CRTAM: variants seen among roughly 807,000 people sequenced by gnomAD.
CRTAM encodes cytotoxic and regulatory T cell molecule.
A neutral mutation model predicts 50.0 loss-of-function variants in CRTAM; 44 were observed. The observed-to-expected ratio is 0.88, with a 90% confidence interval of 0.69 to 1.13. CRTAM has a LOEUF of 1.13. Ranked by LOEUF, CRTAM falls within the 50% of genes most tolerant of loss-of-function variation. The probability of loss-of-function intolerance (pLI) is 0.00; values close to 1 mark genes in which losing one functional copy is unlikely to be tolerated. For synonymous variants in CRTAM, 159 were observed against 169.3 expected (o/e 0.94, Z 0.47); for missense variants, 448 against 457.5 (o/e 0.98, Z 0.19).
intron 5 of CRTAM, 139 bp from the exon 6 acceptor site, chr11:122,862,325 G>A: frequency 4.7e-6 from 3 of 641,290 alleles, no homozygotes; most frequent in Non-Finnish European, 5.6e-6. Flanking sequence ...AGGAGCCACA[G>A]AACACACAGT....
intron 7 of CRTAM, 89 bp from the exon 8 acceptor site, chr11:122,867,320 C>T: frequency 8.6e-7 from 1 of 1,165,122 alleles, no homozygotes; most frequent in Non-Finnish European, 1.2e-6. Flanking sequence ...GCTTATATCA[C>T]ATTGTAGAAG....
intron 8 of CRTAM, 80 bp from the exon 9 acceptor site, chr11:122,867,933 G>C (rs1862200391): frequency 2.4e-6 from 2 of 826,472 alleles, no homozygotes; most frequent in Admixed American, 4.0e-5. Flanking sequence ...CACAGTAACA[G>C]AGGTATTATC....
chr11:122,851,938 G>C, intron 3 of CRTAM, 93 bp downstream of exon 3: 1 of 1,213,794 alleles, frequency 8.2e-7, no homozygotes, highest in Non-Finnish European at 1.2e-6. Flanking sequence ...TAAAAATGTT[G>C]CCTAGAGCAA....
chr11:122,859,040 TA>T (rs1055244735), intron 5 of CRTAM, among the ~76,000 whole-genome samples: 3 of 152,130 alleles, frequency 2.0e-5, no homozygotes, highest in Non-Finnish European at 4.4e-5. Flanking sequence ...ACTGAGAAAT[TA>T]AAAAAATATG....
At chr11:122,858,059 T>C (rs1192769067) in intron 5 of CRTAM, among the ~76,000 whole-genome samples, 2 of 151,930 alleles carry the variant, frequency 1.3e-5, no homozygotes, top group South Asian at 2.1e-4. Flanking sequence ...ACTACAGGCA[T>C]GCACCACTAC....
chr11:122,841,394 C>T (rs915661259), intron 1 of CRTAM, among the ~76,000 whole-genome samples: 1 of 137,360 alleles, frequency 7.3e-6, no homozygotes, highest in East Asian at 2.0e-4. Flanking sequence ...TAAATATATA[C>T]TTTTACTCTA....
intron 9 of CRTAM, 109 bp downstream of exon 9, chr11:122,868,208 G>A (rs1862206599): frequency 3.3e-6 from 2 of 601,422 alleles, no homozygotes; most frequent in Non-Finnish European, 5.9e-6. Flanking sequence ...GTGTGTGTGT[G>A]TGTGTGTGTG....
At chr11:122,840,039 T>C (rs1364349535) in intron 1 of CRTAM, among the ~76,000 whole-genome samples, 1 of 152,216 alleles carries the variant, frequency 6.6e-6, no homozygotes, top group East Asian at 1.9e-4. Context: ...AAAATTAGGA[T>C]GATTTCAATT....
chr11:122,863,328 A>C (rs1375135932), intron 6 of CRTAM, among the ~76,000 whole-genome samples: 5 of 81,628 alleles, frequency 6.1e-5, no homozygotes, highest in African/African-American at 1.7e-4. Flanking sequence ...AGAAAAAGAA[A>C]GAAAGAAAGA....
intron 5 of CRTAM, among the ~76,000 whole-genome samples, chr11:122,858,711 TAGAGAC>T (rs1173490762): frequency 6.6e-6 from 1 of 152,094 alleles, no homozygotes; most frequent in Non-Finnish European, 1.5e-5. Flanking sequence ...AAATTTTTTA[TAGAGAC>T]AGAATCTCAT....
intron 7 of CRTAM, among the ~76,000 whole-genome samples, chr11:122,865,601 T>A (rs1260773627): frequency 6.6e-6 from 1 of 152,100 alleles, no homozygotes; most frequent in African/African-American, 2.4e-5. Flanking sequence ...AAGATTTCTA[T>A]ACCTATATTT....
At chr11:122,870,228 G>A (rs781430761) in intron 9 of CRTAM, among the ~76,000 whole-genome samples, 4 of 151,934 alleles carry the variant, frequency 2.6e-5, no homozygotes, top group Non-Finnish European at 4.4e-5. Flanking sequence ...CTACAGGCAC[G>A]CACCACCACG....
In CRTAM at chr11:122,868,388, G is replaced by C. The variant is rs569690935; in HGVS notation, c.1051+289G>C. Among the ~76,000 whole-genome samples, 9 of 152,184 alleles carry C rather than the reference G, an allele frequency of 5.9e-5. No individual in the cohort carries two copies. The East Asian group carries it at 1.5e-3, about 26-fold the overall frequency. On this transcript the variant is annotated intron_variant, in intron 9 of 9. Transcript: ENST00000227348. Reference sequence around the variant, plus strand: ...CCTGAGAACTCAGGGGACCGCCAGCGTTAAGTCCTGAAATCCGAAGCTAGG... The same window carrying C: ...CCTGAGAACTCAGGGGACCGCCAGCCTTAAGTCCTGAAATCCGAAGCTAGG...
intron 1 of CRTAM, among the ~76,000 whole-genome samples, chr11:122,843,280 C>T (rs1326038565): frequency 6.6e-6 from 1 of 152,116 alleles, no homozygotes; most frequent in African/African-American, 2.4e-5. Context: ...GTTCCATTTC[C>T]ATATATAAAG....
At chr11:122,861,051 T>C (rs995012998) in intron 5 of CRTAM, among the ~76,000 whole-genome samples, 3 of 152,132 alleles carry the variant, frequency 2.0e-5, no homozygotes, top group African/African-American at 7.2e-5. Flanking sequence ...GCATTCCAGC[T>C]TTTCCCTCTT....
chr11:122,843,569 T>G (rs951911342), intron 1 of CRTAM, among the ~76,000 whole-genome samples: 3 of 152,154 alleles, frequency 2.0e-5, no homozygotes, highest in African/African-American at 7.2e-5. Flanking sequence ...TGTATGGCAC[T>G]CGGGGTCTAA....
At chr11:122,856,896 A>C (rs1591353220) in intron 5 of CRTAM, among the ~76,000 whole-genome samples, 19 of 147,680 alleles carry the variant, frequency 1.3e-4, no homozygotes, top group Admixed American at 2.0e-4. Context: ...TTACACAACC[A>C]CCCCCACCCC....
intron 4 of CRTAM, 84 bp downstream of exon 4, chr11:122,854,170 C>T: frequency 7.6e-7 from 1 of 1,318,926 alleles, no homozygotes; most frequent in South Asian, 1.4e-5. Flanking sequence ...CCTCTAGTGG[C>T]AGACAATGCC....
chr11:122,846,500 G>T (rs1861864972), intron 1 of CRTAM, among the ~76,000 whole-genome samples: 1 of 151,986 alleles, frequency 6.6e-6, no homozygotes, highest in Non-Finnish European at 1.5e-5. Flanking sequence ...TGTTGGTCAG[G>T]CTGGTCTCGA....
Sources: gnomAD v4.1 joint callset for allele counts (sites outside exome capture counted in the v4.1 genomes callset) on GRCh38, gnomAD v4.1.1 for gene constraint, MANE v1.5 for transcripts, NCBI Gene and HGNC (gene_info 2026-07-23, HGNC 2026-07-21) for gene names.